ACTR3C: variants seen among roughly 807,000 people sequenced by gnomAD.
The protein encoded by ACTR3C is actin-related protein 3C.
A neutral mutation model predicts 26.3 loss-of-function variants in ACTR3C; 18 were observed. The observed-to-expected ratio is 0.68, with a 90% CI of 0.47 to 1.01. ACTR3C has a LOEUF of 1.01. ACTR3C is among the 50% of genes least tolerant of loss of function. ACTR3C has a pLI of 0.00. For missense variants in ACTR3C, 184 were observed against 250.7 expected, an observed-to-expected ratio of 0.73 and a Z score of 1.80; for synonymous variants, 55 against 94.5, an observed-to-expected ratio of 0.58 and a Z score of 2.42.
the ACTR3C span, among the ~76,000 whole-genome samples, chr7:149,914,366 G>C: frequency 5.9e-5 from 9 of 151,934 alleles, no homozygotes; most frequent in African/African-American, 2.2e-4. Context: ...CTGAGGTGTT[G>C]GATCACCTGA....
At chr7:150,158,238 G>T in the ACTR3C span, among the ~76,000 whole-genome samples, 1 of 151,984 alleles carries the variant, frequency 6.6e-6, no homozygotes, top group Non-Finnish European at 1.5e-5. Flanking sequence ...GCATGCTGTT[G>T]GTGGGACGGC....
At chr7:150,126,652 C>G in the ACTR3C span, among the ~76,000 whole-genome samples, 3 of 152,076 alleles carry the variant, frequency 2.0e-5, no homozygotes, top group African/African-American at 7.2e-5. Context: ...TTTAATAGGC[C>G]CAACAAGTGC....
the ACTR3C span, among the ~76,000 whole-genome samples, chr7:150,161,202 T>TATATATATATATATATATA: frequency 1.9e-5 from 2 of 103,004 alleles, no homozygotes; most frequent in African/African-American, 4.6e-5. Flanking sequence ...AGGAAAGTAT[T>TATATATATATATATATATA]TATATATATA....
At chr7:150,097,945 A>G in the ACTR3C span, among the ~76,000 whole-genome samples, 1 of 151,446 alleles carries the variant, frequency 6.6e-6, no homozygotes, top group Non-Finnish European at 1.5e-5. Context: ...CACATATGAC[A>G]TGGCCCCTCC....
At chr7:150,201,118 C>T in the ACTR3C span, among the ~76,000 whole-genome samples, 1 of 152,154 alleles carries the variant, frequency 6.6e-6, no homozygotes, top group Non-Finnish European at 1.5e-5. Flanking sequence ...ACCCTAGTTC[C>T]ATTATCAATT....
the ACTR3C span, among the ~76,000 whole-genome samples, chr7:150,035,558 G>GAA: frequency 1.4e-5 from 1 of 70,714 alleles, no homozygotes; most frequent in South Asian, 4.1e-4. Flanking sequence ...ATGGGGGTCC[G>GAA]CAGAGCCGGG....
chr7:150,148,099 G>A, the ACTR3C span, among the ~76,000 whole-genome samples: 2 of 141,602 alleles, frequency 1.4e-5, no homozygotes, highest in Non-Finnish European at 3.0e-5. Context: ...CATGACATGA[G>A]TTTACCCTTT....
chr7:150,252,143 T>C (rs998880360), intron 6 of ACTR3C, among the ~76,000 whole-genome samples: 1 of 151,748 alleles, frequency 6.6e-6, no homozygotes, highest in African/African-American at 2.4e-5. Context: ...TGTGTGTGTG[T>C]GTGCATGTGT....
chr7:150,069,662 C>T, the ACTR3C span, among the ~76,000 whole-genome samples: 4 of 151,950 alleles, frequency 2.6e-5, no homozygotes, highest in African/African-American at 7.3e-5. Flanking sequence ...GAGCTAGTAA[C>T]CAACATTTAG....
At chr7:150,139,370 G>A in the ACTR3C span, among the ~76,000 whole-genome samples, 1 of 152,212 alleles carries the variant, frequency 6.6e-6, no homozygotes, top group Admixed American at 6.5e-5. Context: ...AAAAAATGAG[G>A]AAAAAGGACA....
chr7:150,221,334 T>C, the ACTR3C span, among the ~76,000 whole-genome samples: 1 of 152,174 alleles, frequency 6.6e-6, no homozygotes, highest in Non-Finnish European at 1.5e-5. Context: ...GAAGTCATGA[T>C]CTAATTAGTC....
chr7:150,032,186 T>C, the ACTR3C span, among the ~76,000 whole-genome samples: 366 of 152,274 alleles, frequency 2.4e-3, 1 homozygote, highest in African/African-American at 8.7e-3. Flanking sequence ...GATAATGCTA[T>C]GGAAATTCAG....
the ACTR3C span, among the ~76,000 whole-genome samples, chr7:150,052,056 C>G: frequency 2.6e-5 from 4 of 152,018 alleles, no homozygotes; most frequent in Non-Finnish European, 5.9e-5. Flanking sequence ...AATGAAATGG[C>G]TAAGTTAGCA....
the ACTR3C span, among the ~76,000 whole-genome samples, chr7:150,209,750 C>CACACACAT: frequency 6.6e-6 from 1 of 151,064 alleles, no homozygotes; most frequent in Non-Finnish European, 1.5e-5. Flanking sequence ...CACACACACA[C>CACACACAT]ACACACACAC....
the ACTR3C span, among the ~76,000 whole-genome samples, chr7:149,980,626 C>T: frequency 0.15 from 23,348 of 151,996 alleles, 3,540 homozygotes; most frequent in African/African-American, 0.39. Flanking sequence ...AACCACTCTT[C>T]ATGAAATTTT....
chr7:150,024,101 G>A, the ACTR3C span, among the ~76,000 whole-genome samples: 33 of 151,068 alleles, frequency 2.2e-4, no homozygotes, highest in South Asian at 1.3e-3. Flanking sequence ...AAGCAGTCAC[G>A]ATCCCAGCGT....
chr7:150,264,544 G>A (rs1448368885), intron 6 of ACTR3C: 1 of 942,988 alleles, frequency 1.1e-6, no homozygotes, highest in African/African-American at 1.8e-5. Context: ...ACTAACTGAG[G>A]GGTGCTCTGA....
the ACTR3C span, among the ~76,000 whole-genome samples, chr7:150,115,770 T>C: frequency 6.6e-6 from 1 of 152,198 alleles, no homozygotes; most frequent in Admixed American, 6.5e-5. Context: ...TCTCTATCTT[T>C]CCCTTGTACA....
chr7:150,023,357 G>T, the ACTR3C span, among the ~76,000 whole-genome samples: 30 of 79,576 alleles, frequency 3.8e-4, no homozygotes, highest in East Asian at 1.0e-3. Context: ...TTTAGAGACA[G>T]AGTTTCACTC....
Sources: allele counts gnomAD v4.1 joint callset (sites outside exome capture counted in the v4.1 genomes callset), GRCh38; gene constraint gnomAD v4.1.1; transcripts MANE v1.5; gene names NCBI Gene and HGNC (gene_info 2026-07-23, HGNC 2026-07-21).